The following SECISBP2 variants were observed in gnomAD, a reference collection of about 807,000 sequenced individuals.
SECISBP2 encodes SECIS binding protein 2, also known as selenocysteine insertion sequence-binding protein 2.
SECISBP2 carries 96 observed loss-of-function variants against 98.2 expected under a neutral mutation model. The ratio of observed to expected loss-of-function variants is 0.98; its 90% CI spans 0.83 to 1.16. SECISBP2 has a LOEUF of 1.16. Ranked by LOEUF, SECISBP2 falls within the 50% of genes most tolerant of loss-of-function variation. SECISBP2 has a pLI of 0.00. For synonymous variants in SECISBP2, 407 were observed against 370.2 expected (o/e 1.10, Z -1.14); for missense variants, 1,046 against 1,022.9 (o/e 1.02, Z -0.31).
At chr9:89,346,255 G>T (rs1052248731) in intron 10 of SECISBP2, among the ~76,000 whole-genome samples, 1 of 152,174 alleles carries the variant, frequency 6.6e-6, no homozygotes, top group Non-Finnish European at 1.5e-5. Context: ...AAATAGAACA[G>T]AAAAGGAGAA....
intron 14 of SECISBP2, 151 bp from the exon 15 acceptor site, chr9:89,357,260 A>G (rs935405237): frequency 2.5e-5 from 20 of 805,248 alleles, no homozygotes; most frequent in African/African-American, 6.8e-5. Context: ...TGATTCTGCA[A>G]CTTGCTTTCT....
rs548217951 is a variant in SECISBP2, at chr9:89,358,873, A to G, written c.*49A>G. On this transcript the variant is annotated 3_prime_UTR_variant, in exon 17 of 17. Coordinates refer to ENST00000375807, the MANE Select transcript of SECISBP2 (RefSeq NM_024077.5). ...TTTTGGGTAAGGAGGGGAGGTCTGAAAAAGACTTTGGGGCTTTTTCTTCTG... is the reference window on the plus strand; with the variant it reads ...TTTTGGGTAAGGAGGGGAGGTCTGAGAAAGACTTTGGGGCTTTTTCTTCTG... The G allele has an allele frequency of 8.5e-7, 1 of 1,174,482 alleles. No homozygotes were observed. Among genetic ancestry groups the G allele is most frequent in the Admixed American group, 1.7e-5 (1 of 57,610 alleles). 72.8% of individuals were successfully genotyped at this position (1,174,482 alleles called of 1,614,324 possible).
intron 9 of SECISBP2, among the ~76,000 whole-genome samples, chr9:89,340,827 A>T (rs1030493136): frequency 2.0e-5 from 3 of 152,256 alleles, no homozygotes; most frequent in African/African-American, 7.2e-5. Flanking sequence ...AAATCACAAC[A>T]ATTTCAAAAA....
downstream of SECISBP2, chr9:89,363,897 A>AG (rs770903821): frequency 1.9e-6 from 3 of 1,614,104 alleles, no homozygotes; most frequent in Non-Finnish European, 2.5e-6. Flanking sequence ...ACAGGGACAC[A>AG]GGTCTCCAGA....
intron 13 of SECISBP2, 74 bp from the exon 14 acceptor site, chr9:89,350,558 C>A: frequency 1.5e-6 from 2 of 1,328,570 alleles, no homozygotes; most frequent in East Asian, 2.3e-5. Flanking sequence ...TCTCTTCTCC[C>A]TGGGGTGGGA....
chr9:89,354,670 A>C, intron 14 of SECISBP2: 1 of 554,870 alleles, frequency 1.8e-6, no homozygotes, highest in African/African-American at 2.0e-5. Context: ...GAACCCTCCC[A>C]AAATCCAAGT....
At position 89,359,056 on chromosome 9, in the gene SECISBP2, C is replaced by A; in HGVS notation, c.*232C>A. 1 of 545,538 alleles carries A rather than the reference C, an allele frequency of 1.8e-6. No homozygotes were observed. The highest frequency in any genetic ancestry group is 3.3e-6 in the Non-Finnish European group (1 of 305,174). The allele number at this position is 545,538 out of a possible 1,614,324, so 33.8% of individuals were successfully genotyped here. A position where few individuals can be genotyped will look rare whatever the true frequency, so the allele number is the denominator to read the frequency against. On this transcript the variant is annotated 3_prime_UTR_variant, in exon 17 of 17. Transcript: ENST00000375807. ...AATCTTCTCTAAAAGCCTGGTGATA[C>A]AGCTCTGGCTTTCTGAGCACACTAC...
At chr9:89,357,967 A>T (rs1235819601) in intron 15 of SECISBP2, 32 bp from the exon 16 acceptor site, 3 of 1,610,300 alleles carry the variant, frequency 1.9e-6, no homozygotes, top group Admixed American at 3.3e-5. Flanking sequence ...TGTAGCTGGG[A>T]TGTTACCTGT....
Position 89,339,662 on chromosome 9 carries a change from G to T in SECISBP2, c.1213-202G>T, listed in dbSNP as rs1005765531. Among the ~76,000 whole-genome samples the T allele has an allele frequency of 7.2e-5, 11 of 151,914 alleles. No homozygotes were observed. The South Asian group carries it at 8.3e-4, about 11-fold the overall frequency. On this transcript the variant is annotated intron_variant, in intron 8 of 16. Transcript: ENST00000375807. The stretch of plus-strand genomic sequence containing the variant: ...ATTGTTGGTGACACTCTTTTTTTTG[G>T]GTACAGGGGTATTAGAACTGTGGCC...
rs372086164 is a variant in SECISBP2, at chr9:89,334,617, A to G, written c.976A>G (p.Lys326Glu). ...PKNVTSMINL[K>E]TIASSADPKN... ...AAATGTTACTTCTATGATAAACTTA[A>G]AGACCATTGCTTCATCAGCAGATCC... Residue 326 changes from lysine to glutamate, a missense_variant, in exon 7 of 17, where the codon AAG becomes GAG. By Grantham distance (56) the Lys-to-Glu change is moderately conservative. Transcript: ENST00000375807. 61 of 1,614,008 alleles carry G rather than the reference A, an allele frequency of 3.8e-5. No individual in the cohort carries two copies. The highest frequency in any genetic ancestry group is 1.2e-4 in the Admixed American group (7 of 60,014).
chr9:89,350,939 C>T (rs1240210086), intron 14 of SECISBP2, 87 bp downstream of exon 14: 12 of 1,102,274 alleles, frequency 1.1e-5, no homozygotes, highest in Non-Finnish European at 1.7e-5. Context: ...CTCAGCGGCC[C>T]ATGCCACAGG....
chr9:89,321,434 A>G (rs1825784434), intron 2 of SECISBP2, among the ~76,000 whole-genome samples: 1 of 152,224 alleles, frequency 6.6e-6, no homozygotes, highest in Non-Finnish European at 1.5e-5. Context: ...TGGGAGGCCA[A>G]GGCGGGTGGA....
chr9:89,341,104 T>G (rs569600500), intron 9 of SECISBP2, among the ~76,000 whole-genome samples: 1 of 152,176 alleles, frequency 6.6e-6, no homozygotes, highest in Admixed American at 6.5e-5. Context: ...AATGGAGATA[T>G]AGACAAAAGT....
At chr9:89,355,895 G>T (rs1194492393) in intron 14 of SECISBP2, among the ~76,000 whole-genome samples, 2 of 152,126 alleles carry the variant, frequency 1.3e-5, no homozygotes, top group African/African-American at 2.4e-5. Context: ...CGTCCATCCT[G>T]TTAATCTGCA....
chr9:89,329,205 C>T (rs1033443044), intron 5 of SECISBP2: 5 of 303,382 alleles, frequency 1.6e-5, no homozygotes, highest in Middle Eastern at 1.1e-3. Context: ...CTCCGCCTCC[C>T]GGGTTCAAGC....
At chr9:89,350,381 G>A (rs192856112) in intron 13 of SECISBP2, among the ~76,000 whole-genome samples, 5 of 152,352 alleles carry the variant, frequency 3.3e-5, no homozygotes, top group African/African-American at 1.2e-4. Flanking sequence ...ATGGGGACCT[G>A]TGGCAAACTA....
At chr9:89,361,309 G>A (rs1832743331), downstream of SECISBP2, 1 of 152,252 alleles carries the variant, frequency 6.6e-6, no homozygotes, top group Non-Finnish European at 1.5e-5. Context: ...TAGAGAATTT[G>A]TCCAGCTCCA....
chr9:89,319,023 G>A, intron 1 of SECISBP2: 1 of 1,029,430 alleles, frequency 9.7e-7, no homozygotes, highest in South Asian at 4.3e-5. Flanking sequence ...TGGAGCCCTG[G>A]CGATCGCTTG....
chr9:89,349,722 A>G, intron 12 of SECISBP2, 54 bp from the exon 13 acceptor site: 1 of 1,602,212 alleles, frequency 6.2e-7, no homozygotes, highest in South Asian at 1.1e-5. Flanking sequence ...CCAGCCCCTC[A>G]GTGTGTGCAC....
Sources: allele counts gnomAD v4.1 joint callset (sites outside exome capture counted in the v4.1 genomes callset), GRCh38; gene constraint gnomAD v4.1.1; transcripts MANE v1.5; gene names NCBI Gene and HGNC (gene_info 2026-07-23, HGNC 2026-07-21).